Variants in ZFHX3 observed in about 807,000 individuals in gnomAD.
ZFHX3 encodes zinc finger homeobox 3, also known as zinc finger homeobox protein 3.
In ZFHX3, 42 loss-of-function variants were observed where a neutral mutation model predicts 279.1. The observed-to-expected ratio is 0.15, with a 90% confidence interval of 0.12 to 0.19. The LOEUF is 0.19. Among genes scored for constraint, ZFHX3 ranks in the 10% least tolerant of loss-of-function variants. The pLI is 1.00. For missense variants in ZFHX3, 4,981 were observed against 4,754.0 expected (o/e 1.05, Z -1.40); for synonymous variants, 2,293 against 1,957.8 (o/e 1.17, Z -4.52).
intron 3 of ZFHX3, among the ~76,000 whole-genome samples, chr16:73,338,788 T>C (rs74736180): frequency 0.014 from 2,066 of 152,258 alleles, 54 homozygotes; most frequent in African/African-American, 0.047. Context: ...CCCAGTGTTA[T>C]AGGAGGGGCC....
intron 3 of ZFHX3, among the ~76,000 whole-genome samples, chr16:73,379,016 C>T (rs537809059): frequency 1.8e-4 from 27 of 152,276 alleles, no homozygotes; most frequent in African/African-American, 6.0e-4. Flanking sequence ...GCTAGTGTTT[C>T]GTACAGTCCC....
At position 73,783,282 on chromosome 16, in the gene ZFHX3, C is replaced by T. The variant is rs912579829; in HGVS notation, c.-1607-103042G>A. 6.6e-5 allele frequency among the ~76,000 whole-genome samples: 10 copies of T among 152,292 alleles called. No individual in the cohort carries two copies. The East Asian group carries it at 1.5e-3, about 24-fold the overall frequency. On this transcript the variant is annotated intron_variant, in intron 1 of 17. Coordinates refer to the ZFHX3 transcript ENST00000641206. ...TATGGCCAACCCAGCCTCAGAACTC[C>T]GTATGGGATCTGCTGAGGCCTCTGC...
At chr16:73,640,963 C>T (rs188347048) in intron 2 of ZFHX3, among the ~76,000 whole-genome samples, 42 of 152,238 alleles carry the variant, frequency 2.8e-4, no homozygotes, top group Admixed American at 1.1e-3. Flanking sequence ...AAAAGCAGAT[C>T]ATACAAAGCA....
intron 5 of ZFHX3, among the ~76,000 whole-genome samples, chr16:73,247,888 C>T (rs2013347535): frequency 6.7e-6 from 1 of 149,586 alleles, no homozygotes; most frequent in East Asian, 2.0e-4. Flanking sequence ...TGTGTGTATA[C>T]TGTGTATATG....
chr16:72,863,620 G>A (rs1331154065), intron 4 of ZFHX3, among the ~76,000 whole-genome samples: 2 of 152,156 alleles, frequency 1.3e-5, no homozygotes, highest in Non-Finnish European at 2.9e-5. Context: ...CGGAAGCAGG[G>A]AGTGAGGGGT....
At chr16:73,655,547 A>C (rs956331486) in intron 2 of ZFHX3, among the ~76,000 whole-genome samples, 2 of 152,246 alleles carry the variant, frequency 1.3e-5, no homozygotes, top group African/African-American at 4.8e-5. Context: ...GGGTTGAGTA[A>C]AAATAAATCT....
intron 3 of ZFHX3, among the ~76,000 whole-genome samples, chr16:73,392,418 C>CAAAAAAAAAAAAAA (rs35019692): frequency 2.1e-3 from 75 of 35,786 alleles, no homozygotes; most frequent in Non-Finnish European, 2.9e-3. Context: ...GACCCTGTCT[C>CAAAAAAAAAAAAAA]AAAAAAAAAA....
At chr16:73,762,092 G>C (rs866220663) in intron 1 of ZFHX3, among the ~76,000 whole-genome samples, 19 of 151,468 alleles carry the variant, frequency 1.3e-4, no homozygotes, top group Middle Eastern at 3.4e-3. Flanking sequence ...ATCTGACAAA[G>C]GTCTAATATC....
chr16:72,790,089 TCC>T (rs2143329622), intron 9 of ZFHX3: 1 of 152,358 alleles, frequency 6.6e-6, no homozygotes, highest in South Asian at 2.1e-4. Flanking sequence ...CCTAATACCC[TCC>T]CTGACCCATA....
At chr16:72,934,008 T>C (rs77658025) in intron 3 of ZFHX3, among the ~76,000 whole-genome samples, 6,173 of 151,968 alleles carry the variant, frequency 0.041, 299 homozygotes, top group African/African-American at 0.1. Context: ...TTAGTAGAGA[T>C]GGGGTTTCAC....
At chr16:72,920,385 TAAAG>T (rs1160647829) in intron 3 of ZFHX3, among the ~76,000 whole-genome samples, 1 of 151,954 alleles carries the variant, frequency 6.6e-6, no homozygotes, top group Non-Finnish European at 1.5e-5. Flanking sequence ...ATAATCAACT[TAAAG>T]AAACACACCA....
At chr16:73,465,132 G>C (rs1214812069) in intron 2 of ZFHX3, among the ~76,000 whole-genome samples, 2 of 152,250 alleles carry the variant, frequency 1.3e-5, no homozygotes, top group Non-Finnish European at 2.9e-5. Context: ...CGGTACTTGA[G>C]AGAGACACAG....
At chr16:73,103,959 C>A (rs905213335) in intron 7 of ZFHX3, among the ~76,000 whole-genome samples, 30 of 152,224 alleles carry the variant, frequency 2.0e-4, no homozygotes, top group African/African-American at 6.0e-4. Flanking sequence ...ACTGAAGGCA[C>A]TCTGATTCCA....
chr16:73,802,186 C>T (rs945030302), intron 1 of ZFHX3, among the ~76,000 whole-genome samples: 7 of 151,816 alleles, frequency 4.6e-5, no homozygotes, highest in Admixed American at 3.9e-4. Flanking sequence ...TAAGTTGATT[C>T]TTCATAAAAC....
chr16:73,327,175 C>T lies in ZFHX3; in HGVS notation c.-1290-8839G>A, dbSNP rs931369083. 2.6e-5 allele frequency among the ~76,000 whole-genome samples: 4 copies of T among 152,288 alleles called. No homozygotes were observed. The East Asian group carries it at 7.7e-4, about 29-fold the overall frequency. ...AGTAGTATTCTGAGAAGCCTTTTGG[C>T]TTACTTGTTCTTGAGTTCTGTGTAT... On this transcript the variant is annotated intron_variant, in intron 3 of 17. Transcript: ENST00000641206.
At chr16:73,416,464 T>C (rs1232531559) in intron 3 of ZFHX3, among the ~76,000 whole-genome samples, 1 of 152,166 alleles carries the variant, frequency 6.6e-6, no homozygotes, top group East Asian at 1.9e-4. Flanking sequence ...TCATTCATTA[T>C]GAAAATTAAT....
intron 5 of ZFHX3, among the ~76,000 whole-genome samples, chr16:73,197,768 G>C (rs995244164): frequency 2.0e-5 from 3 of 152,012 alleles, no homozygotes; most frequent in African/African-American, 7.2e-5. Flanking sequence ...AAGTGGGCTG[G>C]GAATGGGCTG....
chr16:73,616,802 G>A (rs1363711999), intron 2 of ZFHX3, among the ~76,000 whole-genome samples: 2 of 152,126 alleles, frequency 1.3e-5, no homozygotes, highest in South Asian at 2.1e-4. Context: ...ACAACATGAG[G>A]CCTGAAGGTG....
chr16:73,049,960 G>A (rs931035863), upstream of ZFHX3, among the ~76,000 whole-genome samples: 3 of 152,186 alleles, frequency 2.0e-5, no homozygotes, highest in Non-Finnish European at 4.4e-5. Flanking sequence ...AGGACCGCAA[G>A]CAACGTGGCC....
Sources: gnomAD v4.1 joint callset for allele counts (sites outside exome capture counted in the v4.1 genomes callset) on GRCh38, gnomAD v4.1.1 for gene constraint, MANE v1.5 for transcripts, NCBI Gene and HGNC (gene_info 2026-07-23, HGNC 2026-07-21) for gene names.